Variants in FAM216B observed in about 807,000 individuals in gnomAD.
FAM216B encodes the protein family with sequence similarity 216 member B, also known as protein FAM216B.
In FAM216B, 11 loss-of-function variants were observed where a neutral mutation model predicts 12.9. The observed-to-expected ratio is 0.86, with a 90% CI of 0.54 to 1.42. The LOEUF (loss-of-function observed/expected upper bound fraction) is 1.42, where lower values mean the gene tolerates loss of function less well. Ranked by LOEUF, FAM216B falls within the 40% of genes most tolerant of loss-of-function variation. FAM216B has a pLI of 0.00. For missense variants in FAM216B, 167 were observed against 162.9 expected, an observed-to-expected ratio of 1.02 and a Z score of -0.14; for synonymous variants, 52 against 57.2, an observed-to-expected ratio of 0.91 and a Z score of 0.41.
Position 42,784,051 on chromosome 13 carries a change from G to A in FAM216B, c.-14-3G>A, listed in dbSNP as rs1203983821. ...TTATGCTATGCTTTGTTGTTTCTTG[G>A]AGGTATAGGATAAACGATGGGACAA... On this transcript the variant is annotated splice_polypyrimidine_tract_variant and splice_region_variant and intron_variant, in intron 1 of 3. Coordinates refer to ENST00000313851, the MANE Select transcript of FAM216B (RefSeq NM_001318932.2). The A allele has an allele frequency of 6.4e-7, 1 of 1,563,794 alleles. No homozygotes were observed. Among genetic ancestry groups the A allele is most frequent in the South Asian group, 1.2e-5 (1 of 81,984 alleles).
intron 3 of FAM216B, among the ~76,000 whole-genome samples, chr13:42,787,977 C>T (rs757266963): frequency 5.3e-5 from 8 of 151,504 alleles, no homozygotes; most frequent in South Asian, 4.2e-4. Context: ...ACAGAGAAGC[C>T]GAGATTCAGT....
chr13:42,785,900 C>T lies in FAM216B; in HGVS notation c.100-863C>T, dbSNP rs543405066. The stretch of plus-strand genomic sequence containing the variant: ...GCTAAGCACATCCCAGGCCTCTACT[C>T]ACTGAATGCCAGGAGCACCCCCTCC... On this transcript the variant is annotated intron_variant, in intron 2 of 3. Transcript: ENST00000313851. Among the ~76,000 whole-genome samples the T allele has an allele frequency of 3.4e-4, 51 of 152,214 alleles. No homozygotes were observed. The South Asian group carries it at 9.6e-3, about 29-fold the overall frequency.
intron 3 of FAM216B, among the ~76,000 whole-genome samples, chr13:42,788,067 C>T (rs1251985392): frequency 1.3e-5 from 2 of 152,038 alleles, no homozygotes; most frequent in Admixed American, 1.3e-4. Context: ...TGCATAGAAG[C>T]CAATGAATCC....
At chr13:42,786,150 A>G (rs979071988) in intron 2 of FAM216B, among the ~76,000 whole-genome samples, 3 of 152,156 alleles carry the variant, frequency 2.0e-5, no homozygotes, top group Non-Finnish European at 2.9e-5. Flanking sequence ...AAAAGAAAAA[A>G]TGTTAGAATT....
intron 1 of FAM216B, among the ~76,000 whole-genome samples, chr13:42,782,494 G>A (rs566977344): frequency 3.9e-5 from 6 of 152,270 alleles, no homozygotes; most frequent in African/African-American, 9.6e-5. Flanking sequence ...GTTAATATAC[G>A]TGCAGGTATT....
At chr13:42,787,035 TATTCTTGACAATGGAA>T in intron 3 of FAM216B, 152 bp downstream of exon 3, 1 of 1,207,562 alleles carries the variant, frequency 8.3e-7, no homozygotes, top group Non-Finnish European at 1.1e-6. Flanking sequence ...TCAAAGTGCT[TATTCTTGACAATGGAA>T]AGCAAGGTTT....
intron 1 of FAM216B, among the ~76,000 whole-genome samples, chr13:42,781,981 G>A (rs61389199): frequency 0.031 from 4,649 of 152,280 alleles, 223 homozygotes; most frequent in African/African-American, 0.098. Context: ...AGGATAGAGC[G>A]TAGGTGTCAA....
In FAM216B at chr13:42,790,962, T is replaced by C. The variant is rs1874293110; in HGVS notation, c.*2172T>C. ...ATTCTAGAGTCCCAGTAACCCACAA[T>C]TGTTGATGAGGAGTAGCAGTAGAAT... On this transcript the variant is annotated 3_prime_UTR_variant, in exon 4 of 4. Coordinates refer to ENST00000313851, the MANE Select transcript of FAM216B (RefSeq NM_001318932.2). The C allele has an allele frequency of 6.6e-6, 1 of 152,174 alleles. No homozygotes were observed. The highest frequency in any genetic ancestry group is 1.5e-5 in the Non-Finnish European group (1 of 68,036). The allele number at this position is 152,174 out of a possible 1,614,324, so 9.4% of individuals were successfully genotyped here.
intron 3 of FAM216B, among the ~76,000 whole-genome samples, chr13:42,787,389 C>A (rs1258009528): frequency 6.6e-6 from 1 of 152,036 alleles, no homozygotes; most frequent in East Asian, 1.9e-4. Context: ...TAAGATCACA[C>A]ACAGGTAATA....
At chr13:42,785,207 G>T (rs1874034295) in intron 2 of FAM216B, among the ~76,000 whole-genome samples, 1 of 152,096 alleles carries the variant, frequency 6.6e-6, no homozygotes, top group Non-Finnish European at 1.5e-5. Context: ...AGAAACTAAA[G>T]CTGAAATAAT....
At position 42,786,949 on chromosome 13, in the gene FAM216B, GTTTCCAGATAAATAA is replaced by G; in HGVS notation, c.220+69_220+83del. 2.5e-6 allele frequency: 4 copies of G among 1,589,520 alleles called. No homozygotes were observed. The South Asian group carries it at 4.5e-5, about 18-fold the overall frequency. ...TCAACTCGTGCTGTAGCCAGAAGTC[GTTTCCAGATAAATAA>G]TTCAAGCACAATGGCATCTACTGGC... is the stretch of plus-strand genomic sequence containing the variant. On this transcript the variant is annotated intron_variant, in intron 3 of 3. Transcript: ENST00000313851.
rs777506621 is a variant in FAM216B, at chr13:42,790,403, A to G, written c.*1613A>G. 2.6e-5 allele frequency: 4 copies of G among 152,036 alleles called. No homozygotes were observed. Among genetic ancestry groups the G allele is most frequent in the Non-Finnish European group, 5.9e-5 (4 of 68,002 alleles). The allele number at this position is 152,036 out of a possible 1,614,324, so 9.4% of individuals were successfully genotyped here. ...ATGCAGAATATCAAGGAGGCCACTT[A>G]CAATTCTAAGCTGCATCCCTGTATC... On this transcript the variant is annotated 3_prime_UTR_variant, in exon 4 of 4. Transcript: ENST00000313851.
chr13:42,784,197 A>C (rs752614462), intron 2 of FAM216B, 31 bp downstream of exon 2: 3 of 757,284 alleles, frequency 4.0e-6, no homozygotes, highest in African/African-American at 4.4e-5. Flanking sequence ...TTTTTTTCAC[A>C]GATAGAGTGA....
rs144057593 is a variant in FAM216B at position 42,782,624 on chromosome 13, C to G, written c.-15+960C>G. Among the ~76,000 whole-genome samples, 415 of 152,296 alleles carry G rather than the reference C, an allele frequency of 2.7e-3. 7 individuals are homozygous for G. The highest frequency in any genetic ancestry group is 0.024 in the Admixed American group (363 of 15,302). On this transcript the variant is annotated intron_variant, in intron 1 of 3. Coordinates refer to ENST00000313851, the MANE Select transcript of FAM216B (RefSeq NM_001318932.2). ...AGGAGTAAGCAGAGGGGAAAATACT[C>G]TGGGTTTGCACTTTGTGATTTGGCA...
Position 42,786,820 on chromosome 13 carries a change from A to T in FAM216B, c.157A>T (p.Arg53Trp). The T allele has an allele frequency of 6.2e-7, 1 of 1,614,088 alleles. No homozygotes were observed. The highest frequency in any genetic ancestry group is 8.5e-7 in the Non-Finnish European group (1 of 1,179,942). The stretch of plus-strand genomic sequence containing the variant: ...CAGCATTATGAGGATTTACAACTCC[A>T]GGCCCCAGTGGGAGGCCCTGCAGAC... ...FYSIMRIYNS[R>W]PQWEALQTRY... is the part of the protein sequence containing the mutation. The change falls in exon 3 of 4, where the codon AGG (arginine) becomes TGG (tryptophan). Residue 53 changes from arginine to tryptophan, a missense_variant. Coordinates refer to ENST00000313851, the MANE Select transcript of FAM216B (RefSeq NM_001318932.2).
At chr13:42,784,263 A>C in intron 2 of FAM216B, 97 bp downstream of exon 2, 1 of 808,458 alleles carries the variant, frequency 1.2e-6, no homozygotes. Context: ...TTGTTTACCT[A>C]GCATTAAGAA....
intron 1 of FAM216B, among the ~76,000 whole-genome samples, chr13:42,782,761 G>A (rs1873907776): frequency 6.6e-6 from 1 of 152,104 alleles, no homozygotes; most frequent in Non-Finnish European, 1.5e-5. Flanking sequence ...TAGCAAATGT[G>A]ACTCTATTAT....
chr13:42,786,235 A>C (rs1488703204), intron 2 of FAM216B, among the ~76,000 whole-genome samples: 2 of 152,182 alleles, frequency 1.3e-5, no homozygotes, highest in Admixed American at 1.3e-4. Context: ...CTCCTCATCT[A>C]AGACTCAGAT....
chr13:42,786,738 A>T, intron 2 of FAM216B, 25 bp from the exon 3 acceptor site: 1 of 1,612,360 alleles, frequency 6.2e-7, no homozygotes, highest in Non-Finnish European at 8.5e-7. Flanking sequence ...CACACTCATC[A>T]AAATCACCTG....
Sources: allele counts gnomAD v4.1 joint callset (sites outside exome capture counted in the v4.1 genomes callset), GRCh38; gene constraint gnomAD v4.1.1; transcripts MANE v1.5; gene names NCBI Gene and HGNC (gene_info 2026-07-23, HGNC 2026-07-21).